The following CLUH variants were observed in gnomAD, a reference collection of about 807,000 sequenced individuals.
CLUH encodes the protein CLUH binding protein of NUMT mRNA, also known as clustered mitochondria protein homolog.
A neutral mutation model predicts 139.3 loss-of-function variants in CLUH; 77 were observed. The observed-to-expected ratio is 0.55, with a 90% CI of 0.46 to 0.67. The LOEUF (loss-of-function observed/expected upper bound fraction) is 0.67, where lower values mean the gene tolerates loss of function less well. Among genes scored for constraint, CLUH ranks in the 30% least tolerant of loss-of-function variants. The pLI, the probability that CLUH is intolerant of heterozygous loss-of-function variation, is 0.00. For synonymous variants in CLUH, 999 were observed against 801.6 expected (o/e 1.25, Z -4.16); for missense variants, 1,876 against 1,875.8 (o/e 1.00, Z 0.00).
Position 2,698,581 on chromosome 17 carries a change from C to T in CLUH, c.1276G>A (p.Asp426Asn). Residue 426 changes from aspartate (D) to asparagine (N), a missense_variant, in exon 10 of 26, where the codon GAC becomes AAC. Physicochemically the swap from Asp to Asn is conservative, Grantham distance 23. Coordinates refer to ENST00000651024, the MANE Select transcript of CLUH (RefSeq NM_001366661.1). The part of the protein sequence containing the change: ...RERAIFKVHS[D>N]FTAAATRGAM... ...CCCCTGGTGGCTGCCGCGGTGAAGT[C>T]GCTGTGCACCTGGCGGGGGTCGAGG... 4 of 1,601,758 alleles carry T rather than the reference C, an allele frequency of 2.5e-6. No individual in the cohort carries two copies. The highest frequency in any genetic ancestry group is 2.3e-5 in the East Asian group (1 of 44,378).
Position 2,691,763 on chromosome 17 carries a change from T to C in CLUH, c.3787A>G (p.Lys1263Glu). ...NGSSANIPPL[K>E]FTAPSMASVL... is the part of the protein sequence containing the mutation. ...GGGCCGCTCCGCCCCGGACTCACCT[T>C]GAGGGGCGGGATGTTGGCGCTGGAG... The change falls in exon 24 of 26, where the codon AAG becomes GAG. Residue 1263 changes from lysine (K) to glutamate (E), a missense_variant and splice_region_variant. Around this residue, in one of 3 missense-constraint regions of CLUH, gnomAD observed 1,454 missense variants for 1,384.4 expected, o/e 1.05. Coordinates refer to ENST00000651024, the MANE Select transcript of CLUH (RefSeq NM_001366661.1). 1 of 1,596,320 alleles carries C rather than the reference T, an allele frequency of 6.3e-7. No individual in the cohort carries two copies. Among genetic ancestry groups the C allele is most frequent in the Non-Finnish European group, 8.5e-7 (1 of 1,172,000 alleles).
At position 2,690,672 on chromosome 17, in the gene CLUH, G is replaced by A. The variant is rs764056177; in HGVS notation, c.3969C>T (p.Pro1323=). The change falls in exon 26 of 26, where the codon CCC becomes CCT. Residue 1323 remains proline, a synonymous_variant. Coordinates refer to ENST00000651024, the MANE Select transcript of CLUH (RefSeq NM_001366661.1). ...DRAEEPMATE[P]APAGAPGDLG... Reference sequence around the variant, plus strand: ...GGTCTCCTGGGGCCCCCGCTGGCGCGGGCTCGGTAGCCATGGGCTCCTCGG... The same window carrying A: ...GGTCTCCTGGGGCCCCCGCTGGCGCAGGCTCGGTAGCCATGGGCTCCTCGG... 9 of 1,553,818 alleles carry A rather than the reference G, an allele frequency of 5.8e-6. No homozygotes were observed. Among genetic ancestry groups the A allele is most frequent in the African/African-American group, 2.8e-5 (2 of 70,536 alleles).
intron 4 of CLUH, 85 bp downstream of exon 4, chr17:2,701,823 TCAGGCC>T: frequency 6.3e-7 from 1 of 1,580,142 alleles, no homozygotes; most frequent in Non-Finnish European, 8.6e-7. Flanking sequence ...TCCGGGTGCC[TCAGGCC>T]CAGGCCCCTC....
chr17:2,690,498 C>T lies in CLUH; in HGVS notation c.*96G>A, dbSNP rs1256968121. ...GGGGTGAGACGTGGAGGAAGAGGGC[C>T]TTGCTTCCTCTTCCGCCCGCAGGCT... is the stretch of plus-strand genomic sequence containing the variant. On this transcript the variant is annotated 3_prime_UTR_variant, in exon 26 of 26. Coordinates refer to ENST00000651024, the MANE Select transcript of CLUH (RefSeq NM_001366661.1). 9.7e-6 allele frequency: 11 copies of T among 1,132,822 alleles called. No homozygotes were observed. Among genetic ancestry groups the T allele is most frequent in the Non-Finnish European group, 1.3e-5 (11 of 851,882 alleles). The allele number at this position is 1,132,822 out of a possible 1,614,324, so 70.2% of individuals were successfully genotyped here.
chr17:2,703,542 G>C lies in CLUH; in HGVS notation c.304-53C>G. 1.3e-6 allele frequency: 2 copies of C among 1,582,612 alleles called. No individual in the cohort carries two copies. Among genetic ancestry groups the C allele is most frequent in the South Asian group, 2.2e-5 (2 of 89,050 alleles). On this transcript the variant is annotated intron_variant, in intron 2 of 25. Transcript: ENST00000651024. The surrounding 1 kb of genome is among the most constrained non-coding windows in gnomAD (Gnocchi z 4.2). Reference sequence around the variant, plus strand: ...GGTGAGAGAGCACGTAGCGGGGAGAGAAGGCCCCAACCGCCCCGGTGAGAG... The same window carrying C: ...GGTGAGAGAGCACGTAGCGGGGAGACAAGGCCCCAACCGCCCCGGTGAGAG...
rs1323193998 is a variant in CLUH, at chr17:2,690,028, G to A, written c.*566C>T. ...GGCTCCCGTCCCGCCCCAAACTAAAGTGCACCCCAGCCCTCCAGCCCCGCC... is the reference window on the plus strand; with the variant it reads ...GGCTCCCGTCCCGCCCCAAACTAAAATGCACCCCAGCCCTCCAGCCCCGCC... On this transcript the variant is annotated 3_prime_UTR_variant, in exon 26 of 26. Coordinates refer to ENST00000651024, the MANE Select transcript of CLUH (RefSeq NM_001366661.1). The A allele has an allele frequency of 6.6e-6, 1 of 151,932 alleles. No individual in the cohort carries two copies. The highest frequency in any genetic ancestry group is 1.5e-5 in the Non-Finnish European group (1 of 68,018). The allele number at this position is 151,932 out of a possible 1,614,324, so 9.4% of individuals were successfully genotyped here.
In CLUH at chr17:2,704,740, C is replaced by T. The variant is rs915018292; in HGVS notation, c.101-176G>A. ...ACCTGCAGGCCACTTCCACACCCAG[C>T]CGCCCCTCCCAGCCACTGTTCCCTG... On this transcript the variant is annotated intron_variant, in intron 1 of 25. Coordinates refer to ENST00000651024, the MANE Select transcript of CLUH (RefSeq NM_001366661.1). This position sits in a 1 kb window ranked among gnomAD's most constrained non-coding sequence, Gnocchi z 5.7. Among the ~76,000 whole-genome samples, 58 of 152,110 alleles carry T rather than the reference C, an allele frequency of 3.8e-4. No individual in the cohort carries two copies. Among genetic ancestry groups the T allele is most frequent in the African/African-American group, 1.4e-3 (56 of 41,430 alleles).
Position 2,698,117 on chromosome 17 carries a change from C to T in CLUH, c.1740G>A (p.Glu580=). The change falls in exon 10 of 26, where the codon GAG becomes GAA. Residue 580 remains glutamate (E), a synonymous_variant. Coordinates refer to ENST00000651024, the MANE Select transcript of CLUH (RefSeq NM_001366661.1). ...ACTCGACCGAGGAGCAGAGCTCCAC[C>T]TCCTCGTCACGGTCGTTGAGCACCT... is the stretch of plus-strand genomic sequence containing the variant. ...RHQVLNDRDE[E]VELCSSVECK... is the part of the protein sequence containing the mutation. 1 of 1,596,796 alleles carries T rather than the reference C, an allele frequency of 6.3e-7. No homozygotes were observed. The highest frequency in any genetic ancestry group is 8.5e-7 in the Non-Finnish European group (1 of 1,173,134).
intron 1 of CLUH, among the ~76,000 whole-genome samples, chr17:2,708,426 T>C (rs1388234096): frequency 6.6e-6 from 1 of 151,862 alleles, no homozygotes; most frequent in Non-Finnish European, 1.5e-5. Flanking sequence ...GCACTCTGAT[T>C]ACCACAGAGC....
intron 19 of CLUH, among the ~76,000 whole-genome samples, chr17:2,693,158 C>CAAAAAAAAAAAAAA (rs2069782791): frequency 7.3e-5 from 1 of 13,756 alleles, no homozygotes. Context: ...AAAAAAAAAG[C>CAAAAAAAAAAAAAA]CTGAGCAGGG....
Position 2,692,639 on chromosome 17 carries a change from G to C in CLUH, c.3370C>G (p.Leu1124Val). Residue 1124 changes from leucine (L) to valine (V), a missense_variant, in exon 21 of 26, where the codon CTG (leucine) becomes GTG (valine). Coordinates refer to ENST00000651024, the MANE Select transcript of CLUH (RefSeq NM_001366661.1). ...SSQLSTALSL[L>V]YRARYLMLLV... Reference sequence around the variant, plus strand: ...AGCATGAGGTAGCGGGCGCGGTACAGCAGGCTCAGGGCGGTGGACAGCTGG... The same window carrying C: ...AGCATGAGGTAGCGGGCGCGGTACACCAGGCTCAGGGCGGTGGACAGCTGG... 6.2e-7 allele frequency: 1 copy of C among 1,612,804 alleles called. No homozygotes were observed. Among genetic ancestry groups the C allele is most frequent in the Non-Finnish European group, 8.5e-7 (1 of 1,179,508 alleles).
chr17:2,709,323 C>T lies in CLUH; in HGVS notation c.100+2239G>A, dbSNP rs558163108. On this transcript the variant is annotated intron_variant, in intron 1 of 25. Coordinates refer to ENST00000651024, the MANE Select transcript of CLUH (RefSeq NM_001366661.1). ...AGGGCTTCAGGGAAAGGCAATGGGGCGGGCAGGCGGCCTATGGAAGAACCT... is the reference window on the plus strand; with the variant it reads ...AGGGCTTCAGGGAAAGGCAATGGGGTGGGCAGGCGGCCTATGGAAGAACCT... Among the ~76,000 whole-genome samples the T allele has an allele frequency of 5.1e-4, 78 of 152,256 alleles. 1 individual carries two copies. Among genetic ancestry groups the T allele is most frequent in the Admixed American group, 1.2e-3 (18 of 15,298 alleles).
rs769942085 is a variant in CLUH at position 2,693,965 on chromosome 17, C to T, written c.3166G>A (p.Val1056Met). The change falls in exon 19 of 26, where the codon GTG becomes ATG. Residue 1056 changes from valine to methionine, a missense_variant. Val to Met is a conservative substitution (Grantham distance 21, BLOSUM62 1). Transcript: ENST00000651024. Reference sequence around the variant, plus strand: ...AGGCGCAGGCAGGCGCAGGTCTCCACGTGCATGGCTCCGTAGACGTTGTTA... The same window carrying T: ...AGGCGCAGGCAGGCGCAGGTCTCCATGTGCATGGCTCCGTAGACGTTGTTA... Reference protein sequence around the residue: ...LFNNVYGAMHVETCACLRLLA... With the variant: ...LFNNVYGAMHMETCACLRLLA... 1.8e-5 allele frequency: 29 copies of T among 1,613,756 alleles called. No homozygotes were observed. Among genetic ancestry groups the T allele is most frequent in the South Asian group, 1.1e-4 (10 of 91,088 alleles).
In CLUH at chr17:2,698,116, C is replaced by G; in HGVS notation, c.1741G>C (p.Val581Leu). 6.3e-7 allele frequency: 1 copy of G among 1,598,330 alleles called. No individual in the cohort carries two copies. Among genetic ancestry groups the G allele is most frequent in the Non-Finnish European group, 8.5e-7 (1 of 1,173,938 alleles). Reference sequence around the variant, plus strand: ...CACTCGACCGAGGAGCAGAGCTCCACCTCCTCGTCACGGTCGTTGAGCACC... The same window carrying G: ...CACTCGACCGAGGAGCAGAGCTCCAGCTCCTCGTCACGGTCGTTGAGCACC... The part of the protein sequence containing the change: ...HQVLNDRDEE[V>L]ELCSSVECKG... Residue 581 changes from valine (V) to leucine (L), a missense_variant, in exon 10 of 26, where the codon GTG (valine) becomes CTG (leucine). Val to Leu is a conservative substitution (Grantham distance 32). Around this residue, in one of 3 missense-constraint regions of CLUH, gnomAD observed 1,454 missense variants for 1,384.4 expected, o/e 1.05. Coordinates refer to ENST00000651024, the MANE Select transcript of CLUH (RefSeq NM_001366661.1).
chr17:2,697,051 C>A, intron 10 of CLUH, 109 bp from the exon 11 acceptor site: 1 of 810,160 alleles, frequency 1.2e-6, no homozygotes, highest in Non-Finnish European at 1.9e-6. Flanking sequence ...GCATAGGGCA[C>A]CTCCTGGCCG....
intron 13 of CLUH, chr17:2,695,750 G>A: frequency 1.6e-6 from 1 of 634,058 alleles, no homozygotes; most frequent in Non-Finnish European, 2.7e-6. Flanking sequence ...GGGAGAAGCA[G>A]AGGTGCCCGC....
chr17:2,694,079 C>CATGGGGA, intron 18 of CLUH, 40 bp from the exon 19 acceptor site: 1 of 1,613,872 alleles, frequency 6.2e-7, no homozygotes, highest in Non-Finnish European at 8.5e-7. Context: ...CAGGACGGGC[C>CATGGGGA]ATGGGGAACC....
chr17:2,694,423 A>ACACAGCG (rs1567581136), intron 17 of CLUH, 57 bp downstream of exon 17: 16 of 1,247,856 alleles, frequency 1.3e-5, no homozygotes, highest in Middle Eastern at 4.9e-4. Context: ...AGCCTGCAGC[A>ACACAGCG]GGGACGCAGC....
At chr17:2,711,291 G>C (rs2070513667) in intron 1 of CLUH, 1 of 152,176 alleles carries the variant, frequency 6.6e-6, no homozygotes, top group African/African-American at 2.4e-5. Context: ...CCGCGTGTGC[G>C]CGCACGTGTC....
Sources: allele counts gnomAD v4.1 joint callset (sites outside exome capture counted in the v4.1 genomes callset), GRCh38; gene constraint gnomAD v4.1.1; regional missense constraint gnomAD v4.1.1; non-coding constraint Gnocchi (gnomAD v3.1); transcripts MANE v1.5; gene names NCBI Gene and HGNC (gene_info 2026-07-23, HGNC 2026-07-21).